The following MAML2 variants were observed in gnomAD, a reference collection of about 807,000 sequenced individuals.
The protein encoded by MAML2 is mastermind-like protein 2.
MAML2 carries 22 observed loss-of-function variants against 96.1 expected under a neutral mutation model. The ratio of observed to expected loss-of-function variants is 0.23; its 90% CI spans 0.16 to 0.33. MAML2 has a LOEUF of 0.33. MAML2 is among the 10% of genes least tolerant of loss of function. The pLI is 1.00. For missense variants in MAML2, 1,367 were observed against 1,392.4 expected, an observed-to-expected ratio of 0.98 and a Z score of 0.29; for synonymous variants, 561 against 521.3, an observed-to-expected ratio of 1.08 and a Z score of -1.04.
intron 2 of MAML2, among the ~76,000 whole-genome samples, chr11:96,016,705 T>G (rs4636614): frequency 1 from 152,322 of 152,322 alleles, 76,161 homozygotes; most frequent in Non-Finnish European, 1. Context: ...GCCCTTCTCA[T>G]CGTAGTTTGT....
intron 1 of MAML2, among the ~76,000 whole-genome samples, chr11:96,205,534 G>C (rs12281245): frequency 0.028 from 4,194 of 152,292 alleles, 211 homozygotes; most frequent in African/African-American, 0.097. Flanking sequence ...CCAGTACTGT[G>C]TGGTAAAACA....
intron 3 of MAML2, among the ~76,000 whole-genome samples, chr11:95,986,476 A>G (rs1001934028): frequency 3.9e-5 from 6 of 152,084 alleles, no homozygotes; most frequent in African/African-American, 1.4e-4. Flanking sequence ...CTGGGATTAC[A>G]GGCATGAACA....
At chr11:96,015,544 C>T (rs919246558) in intron 2 of MAML2, among the ~76,000 whole-genome samples, 5 of 115,508 alleles carry the variant, frequency 4.3e-5, no homozygotes, top group African/African-American at 1.7e-4. Flanking sequence ...GAAGAGCTAA[C>T]CATAAAATGA....
chr11:96,091,068 TG>T (rs1859696166), intron 2 of MAML2, among the ~76,000 whole-genome samples: 1 of 152,246 alleles, frequency 6.6e-6, no homozygotes, highest in African/African-American at 2.4e-5. Flanking sequence ...ATATGTGCTC[TG>T]GAGGCACAGA....
At chr11:96,295,306 G>T (rs1215992599) in intron 1 of MAML2, among the ~76,000 whole-genome samples, 5 of 152,014 alleles carry the variant, frequency 3.3e-5, no homozygotes, top group Non-Finnish European at 5.9e-5. Context: ...CAGACAGTCA[G>T]GATTAAAATG....
intron 1 of MAML2, among the ~76,000 whole-genome samples, chr11:96,314,588 CTT>C (rs1863602097): frequency 6.6e-6 from 1 of 152,238 alleles, no homozygotes; most frequent in Non-Finnish European, 1.5e-5. Flanking sequence ...ACCTCCTTCT[CTT>C]TGTTTCAACT....
intron 1 of MAML2, among the ~76,000 whole-genome samples, chr11:96,327,624 G>A (rs1208221599): frequency 6.6e-6 from 1 of 151,240 alleles, no homozygotes; most frequent in Admixed American, 6.6e-5. Context: ...CACCATGTTG[G>A]CCAGGCTGGT....
intron 2 of MAML2, among the ~76,000 whole-genome samples, chr11:96,069,143 G>A (rs185760906): frequency 2.0e-5 from 3 of 152,012 alleles, no homozygotes; most frequent in African/African-American, 7.2e-5. Flanking sequence ...GTGCAGGCTG[G>A]TCTGTAACTT....
chr11:96,195,672 A>G (rs554561041), intron 1 of MAML2, among the ~76,000 whole-genome samples: 1 of 152,328 alleles, frequency 6.6e-6, no homozygotes, highest in African/African-American at 2.4e-5. Flanking sequence ...CAGGTAACCA[A>G]CTAGGACTTA....
chr11:96,195,194 A>AAAAAG (rs999125353), intron 1 of MAML2, among the ~76,000 whole-genome samples: 1 of 151,086 alleles, frequency 6.6e-6, no homozygotes. Flanking sequence ...CATTCAAATT[A>AAAAAG]AAAAGAAAAG....
chr11:95,982,669 A>G (rs1857758760), intron 4 of MAML2, among the ~76,000 whole-genome samples: 1 of 152,206 alleles, frequency 6.6e-6, no homozygotes, highest in Non-Finnish European at 1.5e-5. Context: ...TGTGTATAGT[A>G]TTCCAAAGGG....
rs1328632145 is a variant in MAML2, at chr11:95,978,309, G to A, written c.*639C>T. ...TATTTTTGTTTAATCACTAGACACA[G>A]CATCCCACTGAAGTAGAGGATTGTG... On this transcript the variant is annotated 3_prime_UTR_variant, in exon 5 of 5. Transcript: ENST00000524717. The A allele has an allele frequency of 2.0e-5, 4 of 199,516 alleles. No individual in the cohort carries two copies. Among genetic ancestry groups the A allele is most frequent in the African/African-American group, 6.9e-5 (3 of 43,418 alleles). The allele number at this position is 199,516 out of a possible 1,614,324, so 12.4% of individuals were successfully genotyped here.
intron 1 of MAML2, among the ~76,000 whole-genome samples, chr11:96,207,842 T>A (rs1487569116): frequency 6.6e-6 from 1 of 152,244 alleles, no homozygotes; most frequent in Admixed American, 6.5e-5. Flanking sequence ...TCCTGGCTTG[T>A]GTAAACATAT....
chr11:96,103,678 CTGTT>C (rs745384387), intron 1 of MAML2, among the ~76,000 whole-genome samples: 4 of 152,196 alleles, frequency 2.6e-5, no homozygotes, highest in Non-Finnish European at 5.9e-5. Flanking sequence ...CCTTCCCTGT[CTGTT>C]TCTCTCAGGT....
At chr11:96,221,422 A>G (rs1862134977) in intron 1 of MAML2, among the ~76,000 whole-genome samples, 1 of 152,102 alleles carries the variant, frequency 6.6e-6, no homozygotes, top group Admixed American at 6.6e-5. Context: ...CTGCAGTGTG[A>G]CCCATCTGTT....
intron 1 of MAML2, among the ~76,000 whole-genome samples, chr11:96,125,195 C>A (rs1053369477): frequency 2.6e-5 from 4 of 152,172 alleles, no homozygotes; most frequent in Non-Finnish European, 4.4e-5. Flanking sequence ...GGGGTAGAGG[C>A]AGAGAAGCAA....
chr11:96,034,432 T>TGTGTGTGAGAGAGAGAGAGAGAGA (rs549312275), intron 2 of MAML2, among the ~76,000 whole-genome samples: 1 of 135,656 alleles, frequency 7.4e-6, no homozygotes, highest in Non-Finnish European at 1.6e-5. Flanking sequence ...TGTGTGTGTG[T>TGTGTGTGAGAGAGAGAGAGAGAGA]GAGAGAGAGA....
intron 1 of MAML2, among the ~76,000 whole-genome samples, chr11:96,217,080 A>G (rs1862061338): frequency 6.6e-6 from 1 of 152,246 alleles, no homozygotes; most frequent in Non-Finnish European, 1.5e-5. Flanking sequence ...GTTCGAATTC[A>G]GTGGATGCAT....
chr11:96,161,091 A>G (rs368922528), intron 1 of MAML2, among the ~76,000 whole-genome samples: 8 of 152,350 alleles, frequency 5.3e-5, no homozygotes, highest in African/African-American at 1.9e-4. Context: ...TCAAGAGTCA[A>G]TGAAAAGTAG....
Sources: allele counts gnomAD v4.1 joint callset (sites outside exome capture counted in the v4.1 genomes callset), GRCh38; gene constraint gnomAD v4.1.1; transcripts MANE v1.5; gene names NCBI Gene and HGNC (gene_info 2026-07-23, HGNC 2026-07-21).